The following TMEFF2 variants were observed in gnomAD, a reference collection of about 807,000 sequenced individuals.
TMEFF2 encodes transmembrane protein with EGF like and two follistatin like domains 2, also known as tomoregulin-2.
Under a neutral mutation model 53.8 loss-of-function variants are expected in TMEFF2, and 28 were observed. The ratio of observed to expected loss-of-function variants is 0.52; its 90% CI spans 0.39 to 0.71. The LOEUF is 0.71. TMEFF2 is among the 30% of genes least tolerant of loss of function. TMEFF2 has a pLI of 0.00. For missense variants in TMEFF2, 353 were observed against 455.2 expected (o/e 0.78, Z 2.04); for synonymous variants, 162 against 166.3 (o/e 0.97, Z 0.20).
intron 4 of TMEFF2, among the ~76,000 whole-genome samples, chr2:192,099,674 T>C (rs1213494872): frequency 1.3e-5 from 2 of 152,184 alleles, no homozygotes; most frequent in African/African-American, 4.8e-5. Context: ...TTGATTTTTT[T>C]GAACAACTAT....
At chr2:192,102,549 A>C (rs148318951) in intron 4 of TMEFF2, among the ~76,000 whole-genome samples, 2 of 149,668 alleles carry the variant, frequency 1.3e-5, no homozygotes, top group Admixed American at 6.7e-5. Flanking sequence ...AGATATCTCC[A>C]TGGCTCCCTC....
At chr2:192,038,383 T>C (rs1047295870) in intron 5 of TMEFF2, among the ~76,000 whole-genome samples, 1 of 152,222 alleles carries the variant, frequency 6.6e-6, no homozygotes, top group Admixed American at 6.5e-5. Context: ...AGTTAAGGAA[T>C]GCAAAGTCCT....
chr2:191,955,524 AT>A lies in TMEFF2; in HGVS notation c.869+730del, dbSNP rs71405028. On this transcript the variant is annotated intron_variant, in intron 8 of 9. Transcript: ENST00000272771. The stretch of plus-strand genomic sequence containing the variant: ...TGCCACCGTGCCTGGCTAATTCTTA[AT>A]TTTTTTTTTTTTTTTTTTTTTTTAG... 4.0e-3 allele frequency among the ~76,000 whole-genome samples: 239 copies of A among 60,292 alleles called. 5 individuals carry two copies. The highest frequency in any genetic ancestry group is 0.013 in the African/African-American group (192 of 15,188). The allele number at this position is 60,292 out of a possible 152,430, so 39.6% of individuals were successfully genotyped here.
At chr2:191,977,529 C>T (rs1685759872) in intron 7 of TMEFF2, among the ~76,000 whole-genome samples, 1 of 152,180 alleles carries the variant, frequency 6.6e-6, no homozygotes, top group Non-Finnish European at 1.5e-5. Flanking sequence ...AGTAAAGATA[C>T]ACTTCATTTT....
intron 7 of TMEFF2, among the ~76,000 whole-genome samples, chr2:191,963,673 A>G (rs919235582): frequency 3.3e-5 from 5 of 152,232 alleles, no homozygotes; most frequent in Non-Finnish European, 7.3e-5. Flanking sequence ...AATTTATTAT[A>G]TGAATATTTC....
chr2:192,066,667 C>T (rs1438040613), intron 4 of TMEFF2, among the ~76,000 whole-genome samples: 1 of 151,588 alleles, frequency 6.6e-6, no homozygotes, highest in Non-Finnish European at 1.5e-5. Flanking sequence ...TCATCTAAGC[C>T]TGAGTTACAA....
intron 4 of TMEFF2, among the ~76,000 whole-genome samples, chr2:192,153,433 A>G (rs1473818765): frequency 6.6e-6 from 1 of 151,828 alleles, no homozygotes; most frequent in East Asian, 1.9e-4. Context: ...CAATTCCCCA[A>G]TTCTTACTTG....
intron 4 of TMEFF2, among the ~76,000 whole-genome samples, chr2:192,169,233 A>T (rs762740113): frequency 6.6e-6 from 1 of 152,156 alleles, no homozygotes. Flanking sequence ...AAGATTGAGG[A>T]CAATCATCCT....
intron 7 of TMEFF2, among the ~76,000 whole-genome samples, chr2:191,976,857 T>G (rs1459699380): frequency 2.0e-5 from 3 of 152,224 alleles, no homozygotes; most frequent in African/African-American, 7.2e-5. Flanking sequence ...CTTGGGAGTT[T>G]GAATGTCTTG....
chr2:191,998,505 T>C (rs573400132), intron 6 of TMEFF2, among the ~76,000 whole-genome samples, 184 bp from the exon 7 acceptor site: 2 of 151,948 alleles, frequency 1.3e-5, no homozygotes, highest in African/African-American at 4.8e-5. Context: ...GAGCAAATAA[T>C]AAAATGAAGA....
intron 4 of TMEFF2, among the ~76,000 whole-genome samples, chr2:192,157,589 T>C (rs56368303): frequency 0.4 from 60,926 of 151,688 alleles, 13,273 homozygotes; most frequent in Middle Eastern, 0.53. Context: ...TGTAAATATA[T>C]ATTTATTTTT....
In TMEFF2 at chr2:191,961,510, C is replaced by A. The variant is rs1035949217; in HGVS notation, c.746-5132G>T. Among the ~76,000 whole-genome samples the A allele has an allele frequency of 5.6e-4, 35 of 62,516 alleles. 1 individual carries two copies. The highest frequency in any genetic ancestry group is 8.8e-4 in the Non-Finnish European group (25 of 28,288). The allele number at this position is 62,516 out of a possible 152,430, so 41.0% of individuals were successfully genotyped here. A position where few individuals can be genotyped will look rare whatever the true frequency, so the allele number is the denominator to read the frequency against. ...CACCTTTTGTAATTACTTAATTTTA[C>A]CCTCCCCGACTTACTGCCATTTCTC... is the stretch of plus-strand genomic sequence containing the variant. On this transcript the variant is annotated intron_variant, in intron 7 of 9. Transcript: ENST00000272771.
At chr2:191,959,183 G>T (rs1692194942) in intron 7 of TMEFF2, among the ~76,000 whole-genome samples, 1 of 152,132 alleles carries the variant, frequency 6.6e-6, no homozygotes, top group Non-Finnish European at 1.5e-5. Flanking sequence ...TTTAAAAAGA[G>T]GTTTAATGTA....
At chr2:192,082,287 TC>T (rs1217045654) in intron 4 of TMEFF2, among the ~76,000 whole-genome samples, 3 of 152,178 alleles carry the variant, frequency 2.0e-5, no homozygotes, top group Admixed American at 6.5e-5. Flanking sequence ...GGCACACACT[TC>T]TCGTCTAGCC....
chr2:192,193,753 TAGATAGATAGAGAGAGAGAGAGAGAG>T (rs1393337140), intron 1 of TMEFF2, among the ~76,000 whole-genome samples: 1,762 of 122,330 alleles, frequency 0.014, 31 homozygotes, highest in African/African-American at 0.024. Context: ...GAGAGAGAGA[TAGATAGATAGAGAGAGAGAGAGAGAG>T]AGAGAGAGAG....
intron 4 of TMEFF2, chr2:192,179,365 A>G (rs1691129433): frequency 3.2e-6 from 1 of 316,702 alleles, no homozygotes; most frequent in Admixed American, 5.0e-5. Context: ...AAATATGCTT[A>G]CATGCTTCTC....
chr2:191,988,712 A>G (rs1206172972), intron 7 of TMEFF2, among the ~76,000 whole-genome samples: 1 of 152,134 alleles, frequency 6.6e-6, no homozygotes, highest in African/African-American at 2.4e-5. Context: ...TTTTAAAGAC[A>G]TACTTTTGGG....
At chr2:192,016,233 AG>A (rs1433406851) in intron 5 of TMEFF2, among the ~76,000 whole-genome samples, 2 of 152,216 alleles carry the variant, frequency 1.3e-5, no homozygotes, top group Admixed American at 6.5e-5. Context: ...ATCAGGGTAT[AG>A]GGAGCTGAAT....
chr2:192,116,730 T>G, intron 4 of TMEFF2, among the ~76,000 whole-genome samples: 1 of 151,916 alleles, frequency 6.6e-6, no homozygotes, highest in East Asian at 1.9e-4. Flanking sequence ...TCTGAATCTT[T>G]GTGAGATGTG....
Sources: allele counts gnomAD v4.1 joint callset (sites outside exome capture counted in the v4.1 genomes callset), GRCh38; gene constraint gnomAD v4.1.1; transcripts MANE v1.5; gene names NCBI Gene and HGNC (gene_info 2026-07-23, HGNC 2026-07-21).